The following ASIC2 variants were observed in gnomAD, a reference collection of about 807,000 sequenced individuals.
ASIC2 encodes the protein acid sensing ion channel subunit 2.
In ASIC2, 25 loss-of-function variants were observed where a neutral mutation model predicts 57.3. That is an observed-to-expected ratio of 0.44 (90% confidence interval 0.32 to 0.61). ASIC2 has a LOEUF of 0.61. ASIC2 is among the 20% of genes least tolerant of loss of function. The pLI is 0.06. For synonymous variants in ASIC2, 319 were observed against 307.5 expected, an observed-to-expected ratio of 1.04 and a Z score of -0.39; for missense variants, 641 against 738.1, an observed-to-expected ratio of 0.87 and a Z score of 1.52.
intron 1 of ASIC2, among the ~76,000 whole-genome samples, chr17:33,567,592 C>T (rs1916279021): frequency 6.6e-6 from 1 of 152,174 alleles, no homozygotes; most frequent in South Asian, 2.1e-4. Flanking sequence ...GCGTGGCAGG[C>T]CTGGGGCCTC....
chr17:34,055,209 C>T (rs35488111), intron 1 of ASIC2, among the ~76,000 whole-genome samples: 246 of 152,266 alleles, frequency 1.6e-3, no homozygotes, highest in African/African-American at 5.8e-3. Context: ...GTTTAAGCCA[C>T]GAAGAGACAC....
intron 7 of ASIC2, among the ~76,000 whole-genome samples, chr17:33,019,455 G>A (rs2091825042): frequency 6.6e-6 from 1 of 151,918 alleles, no homozygotes; most frequent in African/African-American, 2.4e-5. Context: ...GTGCATTTGT[G>A]TGTGTGGTCC....
intron 1 of ASIC2, among the ~76,000 whole-genome samples, chr17:33,781,771 T>C (rs1911460858): frequency 6.6e-6 from 1 of 152,152 alleles, no homozygotes; most frequent in South Asian, 2.1e-4. Flanking sequence ...GTCTCCCACA[T>C]AGGAGCAAGG....
rs114134819 is a variant in ASIC2 at position 34,050,971 on chromosome 17, T to G, written c.555+105007A>C. ...GATGAAATGGGTTGTGATTGAGGCT[T>G]GCAGATAGGTGTTTATTTCCATGAA... On this transcript the variant is annotated intron_variant, in intron 1 of 9. Transcript: ENST00000359872. Among the ~76,000 whole-genome samples the G allele has an allele frequency of 2.6e-3, 390 of 152,288 alleles. 2 individuals carry two copies. Among genetic ancestry groups the G allele is most frequent in the African/African-American group, 9.0e-3 (375 of 41,558 alleles).
At chr17:33,471,013 A>T (rs1475770914) in intron 1 of ASIC2, among the ~76,000 whole-genome samples, 1 of 152,068 alleles carries the variant, frequency 6.6e-6, no homozygotes, top group Non-Finnish European at 1.5e-5. Context: ...TGACAAATCC[A>T]CCTGTGCTCA....
chr17:33,898,127 C>A (rs1915142752), intron 1 of ASIC2, among the ~76,000 whole-genome samples: 1 of 151,414 alleles, frequency 6.6e-6, no homozygotes, highest in South Asian at 2.1e-4. Flanking sequence ...GGTGCTCTGC[C>A]CATATTTCTT....
intron 1 of ASIC2, among the ~76,000 whole-genome samples, chr17:33,642,601 C>T (rs532821050): frequency 1.2e-4 from 19 of 152,278 alleles, no homozygotes; most frequent in South Asian, 4.1e-4. Flanking sequence ...TCTCACTGTC[C>T]GTCCATCAAC....
chr17:33,618,819 C>A (rs1025522484), intron 1 of ASIC2, among the ~76,000 whole-genome samples: 1 of 152,244 alleles, frequency 6.6e-6, no homozygotes, highest in Non-Finnish European at 1.5e-5. Context: ...TAAGCCTCAT[C>A]TGTGCTGAGT....
At chr17:33,166,103 C>A (rs1349583652) in intron 1 of ASIC2, among the ~76,000 whole-genome samples, 1 of 152,166 alleles carries the variant, frequency 6.6e-6, no homozygotes, top group East Asian at 1.9e-4. Context: ...GGCTGTGAGA[C>A]CTTGTGCTAT....
At chr17:33,179,373 G>T (rs1206990801) in intron 1 of ASIC2, among the ~76,000 whole-genome samples, 1 of 152,110 alleles carries the variant, frequency 6.6e-6, no homozygotes, top group Non-Finnish European at 1.5e-5. Flanking sequence ...ATGCAGACAC[G>T]TCTGGCTTTG....
intron 1 of ASIC2, among the ~76,000 whole-genome samples, chr17:33,531,365 G>C (rs999459022): frequency 2.0e-5 from 3 of 152,158 alleles, no homozygotes; most frequent in African/African-American, 7.2e-5. Flanking sequence ...GTACCGACCT[G>C]ACATCTTGAG....
At chr17:33,389,023 A>G (rs1028364665) in intron 1 of ASIC2, among the ~76,000 whole-genome samples, 1 of 152,178 alleles carries the variant, frequency 6.6e-6, no homozygotes, top group African/African-American at 2.4e-5. Context: ...GCAGTGGCAC[A>G]ATCTTGGCTC....
chr17:33,071,440 CA>C (rs2141950221), intron 3 of ASIC2, among the ~76,000 whole-genome samples: 1 of 152,286 alleles, frequency 6.6e-6, no homozygotes, highest in Non-Finnish European at 1.5e-5. Flanking sequence ...GGCTTTTTAA[CA>C]AATGTATTCC....
intron 1 of ASIC2, 84 bp from the exon 2 acceptor site, chr17:33,112,151 T>C (rs1208562776): frequency 6.9e-7 from 1 of 1,451,266 alleles, no homozygotes; most frequent in Non-Finnish European, 9.2e-7. Context: ...CCCAGAAATC[T>C]GACAGCAGGT....
intron 1 of ASIC2, among the ~76,000 whole-genome samples, chr17:34,107,490 C>G (rs908378288): frequency 2.6e-5 from 4 of 152,152 alleles, no homozygotes; most frequent in African/African-American, 9.7e-5. Context: ...GCATGAGTGA[C>G]AGAGTAAGAT....
Position 33,025,932 on chromosome 17 carries a change from C to T in ASIC2, c.1189G>A (p.Ala397Thr), listed in dbSNP as rs1420995603. ...PEQHKECAEPALGLLAEKDSN... is the reference protein window; with the variant it reads ...PEQHKECAEPTLGLLAEKDSN... ...CTGTCCCCTGAGTACTGACCTAGGG[C>T]AGGCTCTGCACACTCCTTGTGCTGC... Residue 397 changes from alanine to threonine, a missense_variant, in exon 5 of 10, where the codon GCC becomes ACC. Coordinates refer to ENST00000225823, the MANE Select transcript of ASIC2 (RefSeq NM_183377.2). 1.2e-6 allele frequency: 2 copies of T among 1,612,986 alleles called. No homozygotes were observed. Among genetic ancestry groups the T allele is most frequent in the East Asian group, 2.2e-5 (1 of 44,756 alleles).
At chr17:33,817,321 G>A (rs1408029170) in intron 1 of ASIC2, among the ~76,000 whole-genome samples, 1 of 152,112 alleles carries the variant, frequency 6.6e-6, no homozygotes, top group African/African-American at 2.4e-5. Context: ...CTTTTGTTTT[G>A]TTCTCTTTTG....
intron 1 of ASIC2, among the ~76,000 whole-genome samples, chr17:33,900,900 AG>A (rs1419431106): frequency 1.3e-5 from 2 of 152,208 alleles, no homozygotes; most frequent in Non-Finnish European, 2.9e-5. Flanking sequence ...CCTTGGCTAA[AG>A]ACAGCAGGGT....
chr17:34,065,049 T>C (rs1325735608), intron 1 of ASIC2, among the ~76,000 whole-genome samples: 1 of 152,040 alleles, frequency 6.6e-6, no homozygotes, highest in Non-Finnish European at 1.5e-5. Flanking sequence ...AGAGAAGAAG[T>C]CATTATTTGA....
Sources: gnomAD v4.1 joint callset for allele counts (sites outside exome capture counted in the v4.1 genomes callset) on GRCh38, gnomAD v4.1.1 for gene constraint, MANE v1.5 for transcripts, NCBI Gene and HGNC (gene_info 2026-07-23, HGNC 2026-07-21) for gene names.